Variants in ZMAT1 observed in about 807,000 individuals in gnomAD.
ZMAT1 encodes the protein zinc finger matrin-type protein 1.
Under a neutral mutation model 18.5 loss-of-function variants are expected in ZMAT1, and 11 were observed. That is an observed-to-expected ratio of 0.59 (90% CI 0.37 to 0.98). ZMAT1 has a LOEUF of 0.98. Ranked by LOEUF, ZMAT1 falls within the 50% of genes least tolerant of loss-of-function variation. ZMAT1 has a pLI of 0.01. For synonymous variants in ZMAT1, 211 were observed against 176.4 expected (o/e 1.20, Z -1.55); for missense variants, 525 against 496.2 (o/e 1.06, Z -0.55).
At chrX:101,912,829 G>A (rs1046315991) in intron 1 of ZMAT1, among the ~76,000 whole-genome samples, 2 of 111,911 alleles carry the variant, frequency 1.8e-5, no homozygotes, top group Non-Finnish European at 3.8e-5. Flanking sequence ...GAAAAGCTTT[G>A]TATGGGAAGA....
intron 4 of ZMAT1, among the ~76,000 whole-genome samples, chrX:101,893,286 C>G (rs1927556987): frequency 9.0e-6 from 1 of 111,485 alleles, no homozygotes; most frequent in Non-Finnish European, 1.9e-5. Context: ...TTACCTAATG[C>G]TAGAAAATTA....
chrX:101,923,630 T>A (rs993734079), intron 1 of ZMAT1, among the ~76,000 whole-genome samples: 1 of 112,059 alleles, frequency 8.9e-6, no homozygotes, highest in Admixed American at 9.5e-5. Flanking sequence ...CTAAAGCTGG[T>A]TCTCTCCAAA....
At chrX:101,911,505 T>C in intron 1 of ZMAT1, 1 of 878,064 alleles carries the variant, frequency 1.1e-6, no homozygotes, top group Non-Finnish European at 1.6e-6. Context: ...AAGATATAAG[T>C]AAAAACAACA....
At chrX:101,924,477 T>C (rs1040323499) in intron 1 of ZMAT1, among the ~76,000 whole-genome samples, 1 of 112,286 alleles carries the variant, frequency 8.9e-6, no homozygotes, top group Admixed American at 9.5e-5. Context: ...CTCTCAAGTA[T>C]GAAGTGGAAT....
At position 101,923,968 on chromosome X, in the gene ZMAT1, T is replaced by C. The variant is rs748883440; in HGVS notation, c.292+7749A>G. ...AAAAAATACATGTCTTTGAAAATGG[T>C]ATGGTAAATACTTCCTGGTTAATTT... On this transcript the variant is annotated intron_variant, in intron 1 of 5. Coordinates refer to ENST00000651725, the MANE Select transcript of ZMAT1 (RefSeq NM_001394560.1). Among the ~76,000 whole-genome samples the C allele has an allele frequency of 3.6e-5, 4 of 112,226 alleles. No homozygotes were observed. In the South Asian group the frequency reaches 1.5e-3, roughly 41 times the overall value.
In ZMAT1 at chrX:101,891,928, G is replaced by A. The variant is rs778993396; in HGVS notation, c.677-5197C>T. ...AAAAATAACTTGGTTAAGAAGGGAA[G>A]GGGAGAATGTAGGAGTTAAAGGAGA... On this transcript the variant is annotated intron_variant, in intron 4 of 5. Coordinates refer to ENST00000651725, the MANE Select transcript of ZMAT1 (RefSeq NM_001394560.1). Among the ~76,000 whole-genome samples the A allele has an allele frequency of 2.7e-5, 3 of 110,658 alleles. No homozygotes were observed. The Admixed American group carries it at 2.9e-4, about 11-fold the overall frequency.
chrX:101,902,611 G>A (rs988810682), intron 2 of ZMAT1, among the ~76,000 whole-genome samples: 6 of 111,054 alleles, frequency 5.4e-5, no homozygotes, highest in Non-Finnish European at 9.5e-5. Flanking sequence ...AGGTAAGGGT[G>A]GACTATACAA....
At position 101,931,985 on chromosome X, in the gene ZMAT1, G is replaced by T; in HGVS notation, c.24C>A (p.Val8=). 1 of 770,416 alleles carries T rather than the reference G, an allele frequency of 1.3e-6. No individual in the cohort carries two copies. Among genetic ancestry groups the T allele is most frequent in the South Asian group, 5.7e-5 (1 of 17,565 alleles). The allele number at this position is 770,416 out of a possible 1,213,427, so 63.5% of individuals were successfully genotyped here. A position where few individuals can be genotyped will look rare whatever the true frequency, so the allele number is the denominator to read the frequency against. The change falls in exon 1 of 6, where the codon GTC becomes GTA. Residue 8 remains valine (V), a synonymous_variant. Coordinates refer to ENST00000651725, the MANE Select transcript of ZMAT1 (RefSeq NM_001394560.1). MAAAPST[V]TPLAAESSPQ... ...GGGAAGACTCCGCCGCCAGCGGGGT[G>T]ACTGTGCTCGGCGCCGCCGCCATCG... is the stretch of plus-strand genomic sequence containing the variant.
chrX:101,903,406 G>C (rs770937815), intron 2 of ZMAT1, among the ~76,000 whole-genome samples: 2 of 111,682 alleles, frequency 1.8e-5, no homozygotes, highest in Non-Finnish European at 3.8e-5. Flanking sequence ...TGTAATTATA[G>C]TAAATTAATT....
At chrX:101,901,929 T>A (rs1011888080) in intron 2 of ZMAT1, among the ~76,000 whole-genome samples, 6 of 112,054 alleles carry the variant, frequency 5.4e-5, no homozygotes, top group African/African-American at 1.6e-4. Flanking sequence ...TTTCAGTTTA[T>A]TTTGCTAACA....
At chrX:101,920,943 G>A (rs1191077022) in intron 1 of ZMAT1, among the ~76,000 whole-genome samples, 2 of 110,113 alleles carry the variant, frequency 1.8e-5, no homozygotes, top group East Asian at 5.7e-4. Flanking sequence ...TGGTGACTAA[G>A]CTGATTGATA....
intron 4 of ZMAT1, chrX:101,889,988 T>G (rs1237924320): frequency 1.8e-5 from 2 of 112,265 alleles, no homozygotes; most frequent in African/African-American, 6.5e-5. Context: ...GGACAAAACA[T>G]TTTTACAAAC....
intron 2 of ZMAT1, among the ~76,000 whole-genome samples, chrX:101,903,555 C>T (rs1482223532): frequency 1.8e-5 from 2 of 110,164 alleles, no homozygotes; most frequent in African/African-American, 3.3e-5. Flanking sequence ...ACCTAGATAC[C>T]AGATATGAAA....
intron 4 of ZMAT1, chrX:101,894,576 G>T: frequency 1.8e-6 from 1 of 561,130 alleles, no homozygotes; most frequent in Non-Finnish European, 2.2e-6. Flanking sequence ...TAAGCATACA[G>T]ATGAGAAATG....
intron 1 of ZMAT1, among the ~76,000 whole-genome samples, chrX:101,920,857 G>T (rs1258520910): frequency 1.8e-5 from 2 of 111,231 alleles, no homozygotes; most frequent in African/African-American, 6.5e-5. Flanking sequence ...TGATTCTTAT[G>T]ATCAGTTCGG....
chrX:101,909,004 G>T (rs763114290), intron 1 of ZMAT1, among the ~76,000 whole-genome samples: 2 of 108,541 alleles, frequency 1.8e-5, no homozygotes, highest in South Asian at 8.3e-4. Context: ...CTCCAAAAGA[G>T]ACCTCTTCCT....
At chrX:101,905,055 T>C (rs193298651) in intron 1 of ZMAT1, among the ~76,000 whole-genome samples, 122 of 112,390 alleles carry the variant, frequency 1.1e-3, no homozygotes, top group Non-Finnish European at 2.0e-3. Context: ...CTGTCATTTG[T>C]CACAGGATTC....
chrX:101,912,047 A>G, intron 1 of ZMAT1: 1 of 1,145,796 alleles, frequency 8.7e-7, no homozygotes, highest in Non-Finnish European at 1.2e-6. Flanking sequence ...CTCCCTTACC[A>G]AGCACCAGAG....
intron 1 of ZMAT1, among the ~76,000 whole-genome samples, chrX:101,929,165 A>G (rs1218829131): frequency 1.8e-5 from 2 of 110,109 alleles, no homozygotes; most frequent in Non-Finnish European, 3.8e-5. Context: ...ATCCTCAAGA[A>G]TAACAGCTAC....
Sources: gnomAD v4.1 joint callset for allele counts (sites outside exome capture counted in the v4.1 genomes callset) on GRCh38, gnomAD v4.1.1 for gene constraint, MANE v1.5 for transcripts, NCBI Gene and HGNC (gene_info 2026-07-23, HGNC 2026-07-21) for gene names.